UBA2: variants seen among roughly 807,000 people sequenced by gnomAD.
UBA2 encodes ubiquitin like modifier activating enzyme 2.
In UBA2, 11 loss-of-function variants were observed where a neutral mutation model predicts 77.2. The observed-to-expected ratio is 0.14, with a 90% CI of 0.09 to 0.24. UBA2 has a LOEUF of 0.24. UBA2 is among the 10% of genes least tolerant of loss of function. The pLI is 1.00. For missense variants in UBA2, 487 were observed against 781.7 expected (o/e 0.62, Z 4.50); for synonymous variants, 278 against 276.7 (o/e 1.00, Z -0.05).
chr19:34,468,986 C>A, intron 16 of UBA2, 54 bp from the exon 17 acceptor site: 1 of 1,464,336 alleles, frequency 6.8e-7, no homozygotes, highest in Non-Finnish European at 9.2e-7. Context: ...CAGGTGAGCA[C>A]AGGTAACTCC....
chr19:34,464,207 TTTC>T, intron 15 of UBA2, 76 bp downstream of exon 15: 1 of 1,001,586 alleles, frequency 1.0e-6, no homozygotes, highest in Non-Finnish European at 1.5e-6. Flanking sequence ...GGAAAAGTGT[TTTC>T]TTATCCTTAA....
Position 34,443,880 on chromosome 19 carries a change from A to G in UBA2, c.618A>G (p.Val206=), listed in dbSNP as rs2075396968. The G allele has an allele frequency of 6.2e-7, 1 of 1,612,004 alleles. No homozygotes were observed. The change falls in exon 7 of 17, where the codon GTA becomes GTG. Residue 206 remains valine, a synonymous_variant. Transcript: ENST00000246548. Reference sequence around the variant, plus strand: ...GGGAAGAAGATGCTGATCAAGAAGTATCTCCTGACAGAGCTGACCCTGAAG... The same window carrying G: ...GGGAAGAAGATGCTGATCAAGAAGTGTCTCCTGACAGAGCTGACCCTGAAG... ...LFGEEDADQE[V]SPDRADPEAA... is the part of the protein sequence containing the mutation.
intron 14 of UBA2, among the ~76,000 whole-genome samples, chr19:34,463,613 T>C (rs112976084): frequency 3.3e-5 from 5 of 151,892 alleles, no homozygotes; most frequent in African/African-American, 1.2e-4. Context: ...GGAGACAGAG[T>C]CCTAAAAATT....
At chr19:34,463,812 C>T (rs2075658521) in intron 14 of UBA2, among the ~76,000 whole-genome samples, 2 of 148,310 alleles carry the variant, frequency 1.3e-5, no homozygotes, top group Non-Finnish European at 3.0e-5. Flanking sequence ...TAGAGCCCAC[C>T]CTACTTGCCC....
intron 5 of UBA2, 43 bp from the exon 6 acceptor site, chr19:34,438,602 C>T: frequency 6.2e-7 from 1 of 1,607,696 alleles, no homozygotes; most frequent in Non-Finnish European, 8.5e-7. Flanking sequence ...TGTTGAGAAA[C>T]TGCCATCATG....
At chr19:34,440,906 A>G (rs983989616) in intron 6 of UBA2, among the ~76,000 whole-genome samples, 1 of 149,470 alleles carries the variant, frequency 6.7e-6, no homozygotes, top group Admixed American at 6.7e-5. Flanking sequence ...AGCCTGGGCA[A>G]CAGAGCAAGA....
At position 34,454,267 on chromosome 19, in the gene UBA2, C is replaced by G; in HGVS notation, c.1046C>G (p.Pro349Arg). ...TGTTTAAATTATTGGCAGGATGACC[C>G]ATCTGCAATGGATTTTGTCACCTCT... is the stretch of plus-strand genomic sequence containing the variant. ...GAELIWDKDD[P>R]SAMDFVTSAA... The change falls in exon 11 of 17, where the codon CCA becomes CGA. Residue 349 changes from proline (P) to arginine (R), a missense_variant. This residue lies in a region of UBA2 where 300 missense variants were observed against 454.3 expected (regional missense o/e 0.66). Transcript: ENST00000246548. The G allele has an allele frequency of 6.2e-7, 1 of 1,608,790 alleles. No individual in the cohort carries two copies. The highest frequency in any genetic ancestry group is 8.5e-7 in the Non-Finnish European group (1 of 1,178,702).
intron 8 of UBA2, among the ~76,000 whole-genome samples, chr19:34,445,953 G>C (rs1316598612): frequency 6.6e-6 from 1 of 152,114 alleles, no homozygotes; most frequent in Admixed American, 6.5e-5. Context: ...CCGTAGGTCC[G>C]TGTTTTAAAA....
chr19:34,461,617 C>G (rs145261938), intron 14 of UBA2, among the ~76,000 whole-genome samples: 1 of 152,314 alleles, frequency 6.6e-6, no homozygotes, highest in Non-Finnish European at 1.5e-5. Flanking sequence ...TTCAGCGTGA[C>G]CCTTCTGTAC....
rs1484805957 is a variant in UBA2 at position 34,431,562 on chromosome 19, A to G, written c.223-299A>G. On this transcript the variant is annotated intron_variant, in intron 2 of 16. Transcript: ENST00000246548. ...TGCTCAGTAAATACTTGTTAAGTGAATGAATGAATGACACTTGGTTACTTC... is the reference window on the plus strand; with the variant it reads ...TGCTCAGTAAATACTTGTTAAGTGAGTGAATGAATGACACTTGGTTACTTC... 2.6e-5 allele frequency among the ~76,000 whole-genome samples: 4 copies of G among 152,126 alleles called. No individual in the cohort carries two copies. The East Asian group carries it at 7.7e-4, about 29-fold the overall frequency.
At chr19:34,449,094 T>C (rs2075464138) in intron 8 of UBA2, among the ~76,000 whole-genome samples, 1 of 133,540 alleles carries the variant, frequency 7.5e-6, no homozygotes, top group African/African-American at 2.9e-5. Context: ...TTTTTGAGAC[T>C]GAGTCTCACT....
intron 13 of UBA2, among the ~76,000 whole-genome samples, chr19:34,459,722 A>G (rs2075610046): frequency 6.6e-6 from 1 of 152,156 alleles, no homozygotes; most frequent in South Asian, 2.1e-4. Flanking sequence ...TGTGACCATC[A>G]TAATGCTACA....
intron 12 of UBA2, among the ~76,000 whole-genome samples, chr19:34,455,977 A>G (rs905332603): frequency 3.4e-5 from 5 of 148,988 alleles, no homozygotes; most frequent in Admixed American, 1.3e-4. Context: ...GGGTCTTGCT[A>G]TGTTGTCCGG....
chr19:34,458,706 G>A, intron 12 of UBA2, 63 bp from the exon 13 acceptor site: 2 of 1,408,328 alleles, frequency 1.4e-6, no homozygotes, highest in South Asian at 3.1e-5. Context: ...CGAGATTTTA[G>A]ATTGTATGGC....
At chr19:34,441,458 AAAAT>A (rs902925682) in intron 6 of UBA2, among the ~76,000 whole-genome samples, 18 of 148,528 alleles carry the variant, frequency 1.2e-4, no homozygotes, top group Non-Finnish European at 1.5e-5. Flanking sequence ...CCGTCTCAAA[AAAAT>A]AAAAAATAAA....
At chr19:34,435,758 A>T (rs1006388053) in intron 5 of UBA2, among the ~76,000 whole-genome samples, 1 of 151,428 alleles carries the variant, frequency 6.6e-6, no homozygotes, top group Non-Finnish European at 1.5e-5. Flanking sequence ...TGAACCTCGG[A>T]GGTGGAGGTT....
At chr19:34,431,765 T>C (rs2075258407) in intron 2 of UBA2, 96 bp from the exon 3 acceptor site, 2 of 1,030,160 alleles carry the variant, frequency 1.9e-6, no homozygotes, top group Non-Finnish European at 3.0e-6. Context: ...ATAAATAAGG[T>C]ACTATGTAAG....
At chr19:34,436,732 AG>A (rs71165655) in intron 5 of UBA2, among the ~76,000 whole-genome samples, 6 of 56,324 alleles carry the variant, frequency 1.1e-4, no homozygotes, top group Non-Finnish European at 4.1e-4. Context: ...CTATAGAAAG[AG>A]AATTATAATG....
Position 34,431,887 on chromosome 19 carries a change from T to C in UBA2, c.249T>C (p.Phe83=). The change falls in exon 3 of 17, where the codon TTT becomes TTC. Residue 83 remains phenylalanine, a synonymous_variant. Transcript: ENST00000246548. ...AQVAKESVLQ[F]YPKANIVAYH... ...TTGCCAAGGAAAGTGTACTGCAGTT[T>C]TACCCGAAAGCTAATATCGTTGCCT... 1 of 1,613,988 alleles carries C rather than the reference T, an allele frequency of 6.2e-7. No homozygotes were observed. The highest frequency in any genetic ancestry group is 8.5e-7 in the Non-Finnish European group (1 of 1,179,946).
Sources: gnomAD v4.1 joint callset for allele counts (sites outside exome capture counted in the v4.1 genomes callset) on GRCh38, gnomAD v4.1.1 for gene constraint, gnomAD v4.1.1 regional missense constraint, MANE v1.5 for transcripts, NCBI Gene and HGNC (gene_info 2026-07-23, HGNC 2026-07-21) for gene names.